Variants in GCNT1 observed in about 807,000 individuals in gnomAD.
GCNT1 encodes the protein beta-1,3-galactosyl-O-glycosyl-glycoprotein beta-1,6-N-acetylglucosaminyltransferase.
GCNT1 carries 16 observed loss-of-function variants against 26.2 expected under a neutral mutation model. That is an observed-to-expected ratio of 0.61 (90% confidence interval 0.41 to 0.93). GCNT1 has a LOEUF of 0.93. Among genes scored for constraint, GCNT1 ranks in the 40% least tolerant of loss-of-function variants. GCNT1 has a pLI of 0.00. For synonymous variants in GCNT1, 183 were observed against 190.8 expected (o/e 0.96, Z 0.34); for missense variants, 477 against 526.7 (o/e 0.91, Z 0.92).
upstream of GCNT1, among the ~76,000 whole-genome samples, chr9:76,419,616 C>A (rs1000374798): frequency 7.2e-5 from 11 of 151,800 alleles, no homozygotes; most frequent in African/African-American, 2.7e-4. Context: ...CAATATCATG[C>A]GACTACACTC....
upstream of GCNT1, among the ~76,000 whole-genome samples, chr9:76,436,917 T>C (rs542662884): frequency 4.6e-5 from 7 of 152,030 alleles, no homozygotes; most frequent in East Asian, 3.9e-4. Flanking sequence ...ATGAGAACAC[T>C]TGGACACAGG....
chr9:76,502,953 G>C lies in GCNT1; in HGVS notation c.572G>C (p.Ser191Thr). 6.2e-7 allele frequency: 1 copy of C among 1,612,916 alleles called. No individual in the cohort carries two copies. Among genetic ancestry groups the C allele is most frequent in the East Asian group, 2.2e-5 (1 of 44,872 alleles). ...RLESVVYASWSRVQADLNCMK... is the reference protein window; with the variant it reads ...RLESVVYASWTRVQADLNCMK... ...GAGAGTGTGGTTTATGCATCGTGGA[G>C]CCGGGTTCAGGCTGACCTCAACTGC... Residue 191 changes from serine to threonine, a missense_variant, in exon 4 of 4, where the codon AGC becomes ACC. Transcript: ENST00000376730.
At chr9:76,401,980 T>C in the GCNT1 span, among the ~76,000 whole-genome samples, 1 of 152,192 alleles carries the variant, frequency 6.6e-6, no homozygotes, top group Non-Finnish European at 1.5e-5. Flanking sequence ...GGTGGCAAAT[T>C]GTGGGAAGGC....
At chr9:76,394,243 C>T in the GCNT1 span, 1 of 1,482,156 alleles carries the variant, frequency 6.7e-7, no homozygotes, top group African/African-American at 1.4e-5. Flanking sequence ...GACGCGGCGC[C>T]CAGACCCCGG....
the GCNT1 span, among the ~76,000 whole-genome samples, chr9:76,400,447 A>C: frequency 6.6e-6 from 1 of 152,154 alleles, no homozygotes; most frequent in East Asian, 1.9e-4. Flanking sequence ...GTCTCTCTCT[A>C]CTGCTTTTTC....
At chr9:76,491,142 C>T (rs1469242305) in intron 2 of GCNT1, among the ~76,000 whole-genome samples, 1 of 151,156 alleles carries the variant, frequency 6.6e-6, no homozygotes, top group Non-Finnish European at 1.5e-5. Flanking sequence ...TTTTTGACTC[C>T]CTCTTTGTCT....
intron 2 of GCNT1, among the ~76,000 whole-genome samples, chr9:76,465,171 T>C (rs1042932371): frequency 4.0e-5 from 6 of 151,768 alleles, no homozygotes; most frequent in African/African-American, 7.2e-5. Flanking sequence ...TTTTTTTTAT[T>C]TTTTTTTAGA....
chr9:76,434,913 G>A (rs7856238), intron 1 of GCNT1, among the ~76,000 whole-genome samples: 23,647 of 152,104 alleles, frequency 0.16, 1,875 homozygotes, highest in East Asian at 0.2. Flanking sequence ...AGTACCCTCA[G>A]GCTTATTAGG....
intron 2 of GCNT1, among the ~76,000 whole-genome samples, chr9:76,480,670 A>G (rs1824398192): frequency 1.3e-5 from 2 of 152,268 alleles, no homozygotes; most frequent in South Asian, 2.1e-4. Context: ...TTAACGTGCT[A>G]ATAAATACTA....
chr9:76,440,283 C>A (rs139086363), upstream of GCNT1, among the ~76,000 whole-genome samples: 25 of 152,206 alleles, frequency 1.6e-4, no homozygotes, highest in East Asian at 4.6e-3. Flanking sequence ...AAGTCTTAAC[C>A]TCACCTACTA....
At chr9:76,424,917 A>T (rs1823240831) in intron 1 of GCNT1, among the ~76,000 whole-genome samples, 1 of 152,142 alleles carries the variant, frequency 6.6e-6, no homozygotes, top group Non-Finnish European at 1.5e-5. Context: ...AGGCAGGTGG[A>T]TCATGATGTC....
At chr9:76,501,678 C>T (rs1271946509) in intron 3 of GCNT1, 1 of 152,188 alleles carries the variant, frequency 6.6e-6, no homozygotes. Flanking sequence ...AAGTCACAAC[C>T]ATTTCCAAAC....
intron 2 of GCNT1, among the ~76,000 whole-genome samples, chr9:76,465,850 G>C (rs1823981495): frequency 6.6e-6 from 1 of 152,208 alleles, no homozygotes; most frequent in South Asian, 2.1e-4. Flanking sequence ...TGATTCAAAA[G>C]TTTCTGGCAT....
chr9:76,486,510 GGC>G (rs1824578553), intron 2 of GCNT1, among the ~76,000 whole-genome samples: 1 of 152,094 alleles, frequency 6.6e-6, no homozygotes. Context: ...GCAGAAGGTG[GGC>G]TGTAAATTGC....
chr9:76,487,229 C>T (rs562286713), intron 2 of GCNT1, among the ~76,000 whole-genome samples: 1 of 152,316 alleles, frequency 6.6e-6, no homozygotes, highest in South Asian at 2.1e-4. Context: ...GTTTCCTGCT[C>T]CTTCCCTTGA....
At chr9:76,431,291 C>T (rs1361204812) in intron 1 of GCNT1, among the ~76,000 whole-genome samples, 1 of 152,136 alleles carries the variant, frequency 6.6e-6, no homozygotes, top group Non-Finnish European at 1.5e-5. Flanking sequence ...GCCCTCACAT[C>T]AGATGCCAGC....
chr9:76,450,362 T>G (rs1823645048), intron 1 of GCNT1, among the ~76,000 whole-genome samples: 2 of 152,216 alleles, frequency 1.3e-5, no homozygotes, highest in Non-Finnish European at 2.9e-5. Flanking sequence ...TCTCTGAAAA[T>G]TATTTTTTAA....
intron 2 of GCNT1, among the ~76,000 whole-genome samples, chr9:76,477,871 A>T (rs1001671997): frequency 5.3e-5 from 8 of 152,194 alleles, no homozygotes; most frequent in African/African-American, 1.7e-4. Context: ...CTGTAAGTGG[A>T]ATCCTAGTGA....
At chr9:76,429,421 C>T (rs1052948215) in intron 1 of GCNT1, among the ~76,000 whole-genome samples, 1 of 152,176 alleles carries the variant, frequency 6.6e-6, no homozygotes, top group South Asian at 2.1e-4. Flanking sequence ...TTTATACTCC[C>T]ATTGTGTATC....
Sources: gnomAD v4.1 joint callset for allele counts (sites outside exome capture counted in the v4.1 genomes callset) on GRCh38, gnomAD v4.1.1 for gene constraint, MANE v1.5 for transcripts, NCBI Gene and HGNC (gene_info 2026-07-23, HGNC 2026-07-21) for gene names.